Variants in ASTN1 observed in about 807,000 individuals in gnomAD.
ASTN1 encodes the protein astrotactin-1.
A neutral mutation model predicts 140.7 loss-of-function variants in ASTN1; 41 were observed. That is an observed-to-expected ratio of 0.29 (90% CI 0.23 to 0.38). ASTN1 has a LOEUF of 0.38. ASTN1 is among the 10% of genes least tolerant of loss of function. The pLI, the probability that ASTN1 is intolerant of heterozygous loss-of-function variation, is 1.00. For synonymous variants in ASTN1, 640 were observed against 652.2 expected, an observed-to-expected ratio of 0.98 and a Z score of 0.29; for missense variants, 1,479 against 1,678.8, an observed-to-expected ratio of 0.88 and a Z score of 2.08.
chr1:176,859,856 T>G (rs1667912924), downstream of ASTN1, among the ~76,000 whole-genome samples: 1 of 152,126 alleles, frequency 6.6e-6, no homozygotes, highest in Non-Finnish European at 1.5e-5. Context: ...CATAATTTGG[T>G]GAGGGGGACA....
intron 2 of ASTN1, among the ~76,000 whole-genome samples, chr1:177,047,018 A>C (rs1215569892): frequency 6.6e-6 from 1 of 152,168 alleles, no homozygotes; most frequent in East Asian, 1.9e-4. Flanking sequence ...CCATTCCCAA[A>C]GTCCCTTTAA....
At chr1:176,871,697 GCTC>G (rs1170483556) in intron 21 of ASTN1, among the ~76,000 whole-genome samples, 2 of 152,132 alleles carry the variant, frequency 1.3e-5, no homozygotes, top group Admixed American at 6.6e-5. Context: ...AATATTTCTG[GCTC>G]CTCCTATTTC....
chr1:176,977,178 G>A (rs1673402673), intron 8 of ASTN1, among the ~76,000 whole-genome samples: 1 of 152,168 alleles, frequency 6.6e-6, no homozygotes, highest in South Asian at 2.1e-4. Context: ...ATCCATTAAG[G>A]AACTATATTT....
downstream of ASTN1, chr1:176,861,000 A>T (rs1667942249): frequency 1.2e-6 from 1 of 844,680 alleles, no homozygotes; most frequent in Non-Finnish European, 1.4e-6. Flanking sequence ...TAAAACCTTA[A>T]CAAGTTCCCT....
chr1:177,156,289 A>G (rs1053269566), intron 1 of ASTN1, among the ~76,000 whole-genome samples: 2 of 151,964 alleles, frequency 1.3e-5, no homozygotes, highest in Admixed American at 1.3e-4. Context: ...AAAAACAAAA[A>G]ACCCAACAAC....
chr1:177,032,747 T>G lies in ASTN1; in HGVS notation c.574A>C (p.Ser192Arg). Reference protein sequence around the residue: ...KRRRVPQPQKSASAEAANEIH... With the variant: ...KRRRVPQPQKRASAEAANEIH... ...TCATTGGCTGCCTCAGCACTGGCAC[T>G]CTTCTGGGGCTGCGGGACCCGGCGG... is the stretch of plus-strand genomic sequence containing the variant. The change falls in exon 3 of 23, where the codon AGT becomes CGT. Residue 192 changes from serine (S) to arginine (R), a missense_variant. By Grantham distance (110) the Ser-to-Arg change is moderately radical. Around this residue, in one of 3 missense-constraint regions of ASTN1, gnomAD observed 729 missense variants for 860.4 expected, o/e 0.85. Transcript: ENST00000361833. The G allele has an allele frequency of 6.2e-7, 1 of 1,613,836 alleles. No individual in the cohort carries two copies. Among genetic ancestry groups the G allele is most frequent in the South Asian group, 1.1e-5 (1 of 91,082 alleles).
Position 176,861,521 on chromosome 1 carries a change from A to G in ASTN1, c.*2763T>C, listed in dbSNP as rs1175701097. ...TGGGTTCCTTCAGGTAAGCATTAGG[A>G]AAAGTCAGCAGGTTGAGATCAATAG... On this transcript the variant is annotated 3_prime_UTR_variant, in exon 23 of 23. Coordinates refer to ENST00000361833, the MANE Select transcript of ASTN1 (RefSeq NM_004319.3). The G allele has an allele frequency of 3.1e-5, 31 of 985,790 alleles. No homozygotes were observed. The highest frequency in any genetic ancestry group is 3.7e-5 in the Non-Finnish European group (31 of 829,984). 61.1% of individuals were successfully genotyped at this position (985,790 alleles called of 1,614,324 possible). A position where few individuals can be genotyped will look rare whatever the true frequency, so the allele number is the denominator to read the frequency against.
intron 1 of ASTN1, among the ~76,000 whole-genome samples, chr1:177,063,570 G>A (rs1350204206): frequency 6.6e-6 from 1 of 152,150 alleles, no homozygotes; most frequent in Non-Finnish European, 1.5e-5. Context: ...AAACCTGTGG[G>A]CATGTCTGTG....
Position 176,863,036 on chromosome 1 carries a change from C to T in ASTN1, c.*1248G>A, listed in dbSNP as rs1426569401. ...GCCAGGCTCTTTCTGAAAGGCTGGG[C>T]TTCCTGTTGGCTGGGCCACCATTCA... On this transcript the variant is annotated 3_prime_UTR_variant, in exon 23 of 23. Coordinates refer to ENST00000361833, the MANE Select transcript of ASTN1 (RefSeq NM_004319.3). 5.1e-6 allele frequency: 5 copies of T among 985,442 alleles called. No individual in the cohort carries two copies. The highest frequency in any genetic ancestry group is 6.1e-5 in the Admixed American group (1 of 16,268). The allele number at this position is 985,442 out of a possible 1,614,324, so 61.0% of individuals were successfully genotyped here. A position where few individuals can be genotyped will look rare whatever the true frequency, so the allele number is the denominator to read the frequency against.
At chr1:177,003,085 C>T (rs1251392060) in intron 8 of ASTN1, among the ~76,000 whole-genome samples, 1 of 152,110 alleles carries the variant, frequency 6.6e-6, no homozygotes, top group African/African-American at 2.4e-5. Flanking sequence ...ACCAATTCCA[C>T]TGAAACTATT....
intron 2 of ASTN1, among the ~76,000 whole-genome samples, chr1:177,038,839 A>C (rs1385260818): frequency 2.6e-5 from 4 of 152,214 alleles, no homozygotes; most frequent in Admixed American, 1.3e-4. Context: ...AAACACAGGC[A>C]TAAAAGGAAG....
Position 177,055,976 on chromosome 1 carries a change from A to T in ASTN1, c.471+5102T>A, listed in dbSNP as rs181848648. Among the ~76,000 whole-genome samples the T allele has an allele frequency of 2.6e-3, 397 of 152,298 alleles. 3 individuals carry two copies. The highest frequency in any genetic ancestry group is 9.1e-3 in the East Asian group (47 of 5,176). ...GTGTTGATGACACACAGTGACTGCCACACTTGGAACTGCTCCTCTCTACAT... is the reference window on the plus strand; with the variant it reads ...GTGTTGATGACACACAGTGACTGCCTCACTTGGAACTGCTCCTCTCTACAT... On this transcript the variant is annotated intron_variant, in intron 2 of 22. Transcript: ENST00000361833.
chr1:176,974,387 A>AT (rs766484411), intron 8 of ASTN1, among the ~76,000 whole-genome samples: 365 of 143,916 alleles, frequency 2.5e-3, no homozygotes, highest in South Asian at 2.9e-3. Context: ...GTTGAAAAGA[A>AT]TTTTTTTTTT....
intron 1 of ASTN1, among the ~76,000 whole-genome samples, chr1:177,137,587 G>A (rs1182659154): frequency 1.3e-5 from 2 of 152,194 alleles, no homozygotes; most frequent in South Asian, 2.1e-4. Flanking sequence ...AGAGGTAAAC[G>A]CACTTGTTCA....
intron 1 of ASTN1, among the ~76,000 whole-genome samples, chr1:177,131,530 A>AT (rs58465405): frequency 4.8e-4 from 72 of 150,226 alleles, no homozygotes; most frequent in East Asian, 4.7e-3. Flanking sequence ...ATAAAATTAC[A>AT]TTTTTTTTTT....
chr1:177,101,940 G>T (rs1156978610), intron 1 of ASTN1, among the ~76,000 whole-genome samples: 1 of 152,138 alleles, frequency 6.6e-6, no homozygotes, highest in Non-Finnish European at 1.5e-5. Context: ...TCACTTCTTT[G>T]TGCCCCAAGG....
At chr1:176,874,435 G>T (rs1668478937) in intron 21 of ASTN1, among the ~76,000 whole-genome samples, 1 of 152,208 alleles carries the variant, frequency 6.6e-6, no homozygotes, top group South Asian at 2.1e-4. Context: ...AGGGGGAAGG[G>T]CTTCAGTCTT....
chr1:177,029,703 T>C lies in ASTN1; in HGVS notation c.1051A>G (p.Thr351Ala). Reference protein sequence around the residue: ...AFLNPEGDSGTEAENDPQLTF... With the variant: ...AFLNPEGDSGAEAENDPQLTF... ...AGCTGGGGGTCGTTTTCTGCCTCTG[T>C]GCCAGAATCCCCTTCAGGGTTCAAG... The change falls in exon 5 of 23, where the codon ACA becomes GCA. Residue 351 changes from threonine (T) to alanine (A), a missense_variant. Physicochemically the swap from Thr to Ala is moderately conservative, Grantham distance 58. Coordinates refer to ENST00000361833, the MANE Select transcript of ASTN1 (RefSeq NM_004319.3). The C allele has an allele frequency of 6.2e-7, 1 of 1,613,562 alleles. No individual in the cohort carries two copies. The highest frequency in any genetic ancestry group is 1.3e-5 in the African/African-American group (1 of 75,044).
chr1:176,896,294 C>A (rs115517666), intron 16 of ASTN1, among the ~76,000 whole-genome samples: 73 of 152,242 alleles, frequency 4.8e-4, no homozygotes, highest in African/African-American at 1.6e-3. Context: ...AATAATCGAC[C>A]CAGAGCCAAG....
Sources: allele counts gnomAD v4.1 joint callset (sites outside exome capture counted in the v4.1 genomes callset), GRCh38; gene constraint gnomAD v4.1.1; regional missense constraint gnomAD v4.1.1; transcripts MANE v1.5; gene names NCBI Gene and HGNC (gene_info 2026-07-23, HGNC 2026-07-21).